The following HNF1B variants were observed in gnomAD, a reference collection of about 807,000 sequenced individuals.
HNF1B encodes the protein HNF1 homeobox B.
In HNF1B, 8 loss-of-function variants were observed where a neutral mutation model predicts 61.7. The ratio of observed to expected loss-of-function variants is 0.13; its 90% confidence interval spans 0.08 to 0.23. HNF1B has a LOEUF of 0.23. Ranked by LOEUF, HNF1B falls within the 10% of genes least tolerant of loss-of-function variation. HNF1B has a pLI of 1.00. For missense variants in HNF1B, 562 were observed against 714.5 expected (o/e 0.79, Z 2.43); for synonymous variants, 314 against 287.7 (o/e 1.09, Z -0.93).
At chr17:37,699,283 C>A in intron 7 of HNF1B, 89 bp from the exon 8 acceptor site, 1 of 938,836 alleles carries the variant, frequency 1.1e-6, no homozygotes, top group Non-Finnish European at 1.8e-6. Flanking sequence ...TAGCTCCCAT[C>A]TCCTCAGGTA....
At chr17:37,718,094 G>T (rs549317964) in intron 4 of HNF1B, among the ~76,000 whole-genome samples, 1 of 151,840 alleles carries the variant, frequency 6.6e-6, no homozygotes, top group Non-Finnish European at 1.5e-5. Context: ...GATACTTAAG[G>T]GAAGCCCACA....
At chr17:37,690,129 G>C (rs2032146734) in intron 8 of HNF1B, among the ~76,000 whole-genome samples, 1 of 152,076 alleles carries the variant, frequency 6.6e-6, no homozygotes, top group African/African-American at 2.4e-5. Flanking sequence ...CTTAGATATG[G>C]GAATCAGGCG....
Position 37,725,656 on chromosome 17 carries a change from G to A in HNF1B, c.1045+5939C>T, listed in dbSNP as rs912254104. ...TTCCTAGAATAGCAGACATTTCAAGGCAGGATTTGTCTCTCTTCTGAACTG... is the reference window on the plus strand; with the variant it reads ...TTCCTAGAATAGCAGACATTTCAAGACAGGATTTGTCTCTCTTCTGAACTG... On this transcript the variant is annotated intron_variant, in intron 4 of 8. Coordinates refer to ENST00000617811, the MANE Select transcript of HNF1B (RefSeq NM_000458.4). 6.6e-5 allele frequency among the ~76,000 whole-genome samples: 10 copies of A among 152,318 alleles called. 1 individual carries two copies. Among genetic ancestry groups the A allele is most frequent in the East Asian group, 1.9e-4 (1 of 5,186 alleles).
rs115291218 is a variant in HNF1B at position 37,713,511 on chromosome 17, T to C, written c.1046-2848A>G. Among the ~76,000 whole-genome samples the C allele has an allele frequency of 9.9e-3, 1,508 of 152,362 alleles. 9 individuals carry two copies. Among genetic ancestry groups the C allele is most frequent in the Non-Finnish European group, 0.014 (937 of 68,034 alleles). On this transcript the variant is annotated intron_variant, in intron 4 of 8. Coordinates refer to ENST00000617811, the MANE Select transcript of HNF1B (RefSeq NM_000458.4). Reference sequence around the variant, plus strand: ...CTTTGTTTTCTCCCCAACAAAACTTTATTATATAAGAAATATAACGGTGGA... The same window carrying C: ...CTTTGTTTTCTCCCCAACAAAACTTCATTATATAAGAAATATAACGGTGGA...
At chr17:37,744,517 C>T (rs760835562) in intron 1 of HNF1B, 24 bp downstream of exon 1, 61 of 1,597,908 alleles carry the variant, frequency 3.8e-5, no homozygotes, top group East Asian at 1.3e-4. Context: ...CGGGTGGGTC[C>T]CCTCCACCTC....
intron 7 of HNF1B, among the ~76,000 whole-genome samples, chr17:37,699,759 T>A (rs1276402163): frequency 6.6e-6 from 1 of 152,138 alleles, no homozygotes; most frequent in Non-Finnish European, 1.5e-5. Flanking sequence ...CTGTGGCAGA[T>A]TTTCAGAAGC....
At chr17:37,726,777 G>A (rs2033513293) in intron 4 of HNF1B, among the ~76,000 whole-genome samples, 1 of 152,190 alleles carries the variant, frequency 6.6e-6, no homozygotes, top group African/African-American at 2.4e-5. Flanking sequence ...AGAAATAAAT[G>A]TCTCCTCTTT....
Position 37,687,230 on chromosome 17 carries a change from A to G in HNF1B, c.*142T>C, listed in dbSNP as rs1436314876. ...CTGAGAGTGGATTGTCTGAGGTGCC[A>G]GCAGGACGTCCGTCAGGTAAGCAGG... On this transcript the variant is annotated 3_prime_UTR_variant, in exon 9 of 9. Transcript: ENST00000617811. 2.2e-6 allele frequency: 3 copies of G among 1,377,438 alleles called. No homozygotes were observed. Among genetic ancestry groups the G allele is most frequent in the Admixed American group, 3.6e-5 (2 of 54,920 alleles). 85.3% of individuals were successfully genotyped at this position (1,377,438 alleles called of 1,614,324 possible).
At chr17:37,742,661 C>G (rs1403741821) in intron 1 of HNF1B, among the ~76,000 whole-genome samples, 1 of 152,108 alleles carries the variant, frequency 6.6e-6, no homozygotes, top group Non-Finnish European at 1.5e-5. Context: ...TCCCCAGTCC[C>G]TCTCCCTGCC....
intron 4 of HNF1B, among the ~76,000 whole-genome samples, chr17:37,726,160 T>TGTGTG (rs1568659270): frequency 2.9e-5 from 3 of 103,710 alleles, no homozygotes; most frequent in East Asian, 3.1e-4. Flanking sequence ...GTGTGTGTCT[T>TGTGTG]TCTCTCTCTC....
intron 2 of HNF1B, among the ~76,000 whole-genome samples, chr17:37,735,850 C>T (rs1165829964): frequency 6.6e-6 from 1 of 152,164 alleles, no homozygotes; most frequent in African/African-American, 2.4e-5. Flanking sequence ...CCTTGACCTC[C>T]TGGGCTCAAG....
At chr17:37,728,126 G>A (rs193259200) in intron 4 of HNF1B, among the ~76,000 whole-genome samples, 12 of 150,094 alleles carry the variant, frequency 8.0e-5, no homozygotes, top group African/African-American at 2.7e-4. Flanking sequence ...CTCAGCCTCC[G>A]GAGTCGCTGG....
chr17:37,717,124 T>TG (rs1334599981), intron 4 of HNF1B, among the ~76,000 whole-genome samples: 1 of 152,166 alleles, frequency 6.6e-6, no homozygotes, highest in Non-Finnish European at 1.5e-5. Context: ...CTGGGCAATG[T>TG]GGGGCTCAGC....
chr17:37,712,965 C>T (rs906540706), intron 4 of HNF1B, among the ~76,000 whole-genome samples: 1 of 152,140 alleles, frequency 6.6e-6, no homozygotes, highest in African/African-American at 2.4e-5. Context: ...ATTATCTTTC[C>T]GTAGAGAACA....
intron 5 of HNF1B, 36 bp downstream of exon 5, chr17:37,710,467 T>C (rs1287081266): frequency 6.2e-7 from 1 of 1,612,780 alleles, no homozygotes. Context: ...TCTTATCTTA[T>C]CAGCTCCAGA....
In HNF1B at chr17:37,687,172, A is replaced by G. The variant is rs1362435649; in HGVS notation, c.*200T>C. 6 of 775,928 alleles carry G rather than the reference A, an allele frequency of 7.7e-6. No individual in the cohort carries two copies. Among genetic ancestry groups the G allele is most frequent in the Non-Finnish European group, 1.1e-5 (5 of 456,576 alleles). 48.1% of individuals were successfully genotyped at this position (775,928 alleles called of 1,614,324 possible). A position where few individuals can be genotyped will look rare whatever the true frequency, so the allele number is the denominator to read the frequency against. Reference sequence around the variant, plus strand: ...GGGAGAGGCATTGTGGCAATACTGCATAGAAGGGAAACTGGGCTTCGGGCT... The same window carrying G: ...GGGAGAGGCATTGTGGCAATACTGCGTAGAAGGGAAACTGGGCTTCGGGCT... On this transcript the variant is annotated 3_prime_UTR_variant, in exon 9 of 9. Transcript: ENST00000617811.
At chr17:37,739,908 C>T (rs2033943517) in intron 1 of HNF1B, among the ~76,000 whole-genome samples, 1 of 152,070 alleles carries the variant, frequency 6.6e-6, no homozygotes, top group Non-Finnish European at 1.5e-5. Flanking sequence ...ACCACCACCA[C>T]TCTCTCTTAT....
In HNF1B at chr17:37,687,255, G is replaced by A. The variant is rs1235161531; in HGVS notation, c.*117C>T. ...AGCAGGACGTCCGTCAGGTAAGCAG[G>A]GACCTCTCGCAGGTGCTGGTCAGGT... On this transcript the variant is annotated 3_prime_UTR_variant, in exon 9 of 9. Transcript: ENST00000617811. The A allele has an allele frequency of 1.3e-6, 2 of 1,543,114 alleles. No individual in the cohort carries two copies. Among genetic ancestry groups the A allele is most frequent in the Non-Finnish European group, 1.8e-6 (2 of 1,118,470 alleles).
intron 8 of HNF1B, among the ~76,000 whole-genome samples, chr17:37,690,685 C>A (rs569607459): frequency 1.3e-5 from 2 of 152,290 alleles, no homozygotes; most frequent in East Asian, 3.9e-4. Context: ...ACTTGAACAA[C>A]TGGTACCAGT....
Sources: gnomAD v4.1 joint callset for allele counts (sites outside exome capture counted in the v4.1 genomes callset) on GRCh38, gnomAD v4.1.1 for gene constraint, MANE v1.5 for transcripts, NCBI Gene and HGNC (gene_info 2026-07-23, HGNC 2026-07-21) for gene names.